The following DNAAF1 variants were observed in gnomAD, a reference collection of about 807,000 sequenced individuals.
DNAAF1 encodes dynein axonemal assembly factor 1.
DNAAF1 carries 65 observed loss-of-function variants against 71.1 expected under a neutral mutation model. That is an observed-to-expected ratio of 0.91 (90% CI 0.75 to 1.12). The LOEUF is 1.12. DNAAF1 is among the 50% of genes most tolerant of loss of function. The probability of loss-of-function intolerance (pLI) is 0.00; values close to 1 mark genes in which losing one functional copy is unlikely to be tolerated. For missense variants in DNAAF1, 1,178 were observed against 899.8 expected, an observed-to-expected ratio of 1.31 and a Z score of -3.96; for synonymous variants, 414 against 354.6, an observed-to-expected ratio of 1.17 and a Z score of -1.88.
chr16:84,163,057 G>A (rs2087790715), intron 6 of DNAAF1, among the ~76,000 whole-genome samples: 1 of 152,122 alleles, frequency 6.6e-6, no homozygotes, highest in Non-Finnish European at 1.5e-5. Context: ...CCTTTTTATT[G>A]CCAAATGATA....
At chr16:84,172,132 C>G (rs2088389120) in intron 8 of DNAAF1, 128 bp from the exon 9 acceptor site, 1 of 844,718 alleles carries the variant, frequency 1.2e-6, no homozygotes, top group African/African-American at 1.7e-5. Context: ...CCACCTTGGC[C>G]CCCCAAAGTG....
At chr16:84,155,493 G>A (rs1009366980) in intron 4 of DNAAF1, 90 bp from the exon 5 acceptor site, 2 of 1,431,338 alleles carry the variant, frequency 1.4e-6, no homozygotes, top group South Asian at 1.1e-5. Context: ...GCCTTCCAAA[G>A]TGCTGGGATT....
At chr16:84,152,599 G>C (rs1172952426) in intron 3 of DNAAF1, among the ~76,000 whole-genome samples, 1 of 145,112 alleles carries the variant, frequency 6.9e-6, no homozygotes, top group Non-Finnish European at 1.5e-5. Flanking sequence ...AGTGAGCCAA[G>C]ATTGTGCTAC....
chr16:84,149,068 G>A lies in DNAAF1; in HGVS notation c.186G>A (p.Gln62=), dbSNP rs774596744. ...CTGACACATCCTACCACAGCCAGCA[G>A]AAACAGAGTGGTGATAATGGGTCAG... The part of the protein sequence containing the change: ...GSSDTSYHSQ[Q]KQSGDNGSGG... The change falls in exon 2 of 12, where the codon CAG becomes CAA. Residue 62 remains glutamine, a synonymous_variant. Coordinates refer to ENST00000378553, the MANE Select transcript of DNAAF1 (RefSeq NM_178452.6). 2 of 1,614,178 alleles carry A rather than the reference G, an allele frequency of 1.2e-6. No individual in the cohort carries two copies. Among genetic ancestry groups the A allele is most frequent in the East Asian group, 2.2e-5 (1 of 44,868 alleles).
At chr16:84,154,454 C>G in intron 3 of DNAAF1, 123 bp from the exon 4 acceptor site, 1 of 858,372 alleles carries the variant, frequency 1.2e-6, no homozygotes, top group Non-Finnish European at 1.9e-6. Flanking sequence ...GTTAGGATTT[C>G]AATGTATGAA....
chr16:84,168,768 A>G (rs2088157171), intron 7 of DNAAF1, among the ~76,000 whole-genome samples: 4 of 151,616 alleles, frequency 2.6e-5, no homozygotes, highest in Admixed American at 2.0e-4. Context: ...GGATAGCTGT[A>G]TGTCTGCATT....
At chr16:84,159,846 C>T in intron 6 of DNAAF1, 50 bp downstream of exon 6, 1 of 1,602,212 alleles carries the variant, frequency 6.2e-7, no homozygotes, top group Non-Finnish European at 8.5e-7. Flanking sequence ...AGTAGTTGAC[C>T]ATGCTTAATA....
intron 7 of DNAAF1, among the ~76,000 whole-genome samples, chr16:84,167,474 C>T (rs1359515771): frequency 3.3e-5 from 5 of 152,182 alleles, no homozygotes; most frequent in Non-Finnish European, 7.3e-5. Flanking sequence ...ATGGCTTGGT[C>T]TCTGTGCTCC....
rs369739157 is a variant in DNAAF1 at position 84,145,451 on chromosome 16, A to G, written c.11A>G (p.Glu4Gly). The change falls in exon 1 of 12, where the codon GAG becomes GGG. Residue 4 changes from glutamate to glycine, a missense_variant. By Grantham distance (98) the Glu-to-Gly change is moderately conservative. Coordinates refer to ENST00000378553, the MANE Select transcript of DNAAF1 (RefSeq NM_178452.6). MHP[E>G]PSEPATGGAA... ...GTCGCCGAAGTAAACATGCACCCTG[A>G]GCCCTCGGAGCCTGCGACAGGTGGT... 2.2e-5 allele frequency: 35 copies of G among 1,580,318 alleles called. No individual in the cohort carries two copies. The highest frequency in any genetic ancestry group is 4.0e-5 in the African/African-American group (3 of 74,578).
At chr16:84,153,336 G>A (rs181856765) in intron 3 of DNAAF1, among the ~76,000 whole-genome samples, 120 of 152,188 alleles carry the variant, frequency 7.9e-4, no homozygotes, top group Admixed American at 1.3e-3. Context: ...AAACCACATG[G>A]CACACATTTA....
At chr16:84,147,007 T>C (rs889792319) in intron 1 of DNAAF1, among the ~76,000 whole-genome samples, 5 of 152,296 alleles carry the variant, frequency 3.3e-5, no homozygotes, top group South Asian at 4.1e-4. Context: ...CTTGGAGCCA[T>C]TGACACTGGG....
At chr16:84,174,783 T>G in intron 10 of DNAAF1, 61 bp downstream of exon 10, 1 of 1,605,242 alleles carries the variant, frequency 6.2e-7, no homozygotes. Flanking sequence ...GTTCTTGTCG[T>G]TTACCGTTTC....
intron 5 of DNAAF1, among the ~76,000 whole-genome samples, chr16:84,156,160 A>G (rs1298434970): frequency 1.3e-5 from 2 of 152,082 alleles, no homozygotes; most frequent in Non-Finnish European, 1.5e-5. Flanking sequence ...TCAGGGTTTC[A>G]TCATGTTGTC....
chr16:84,172,208 C>T, intron 8 of DNAAF1, 52 bp from the exon 9 acceptor site: 5 of 1,556,022 alleles, frequency 3.2e-6, no homozygotes, highest in Non-Finnish European at 4.4e-6. Flanking sequence ...TAGGCTCGTC[C>T]ATCTGCCTGC....
intron 7 of DNAAF1, 173 bp downstream of exon 7, chr16:84,166,122 T>C (rs1004497906): frequency 1.8e-5 from 15 of 853,946 alleles, no homozygotes; most frequent in Non-Finnish European, 2.5e-5. Flanking sequence ...AGTGTGATCT[T>C]GGCTCACTGC....
chr16:84,160,891 C>A (rs575024602), intron 6 of DNAAF1, among the ~76,000 whole-genome samples: 253 of 150,850 alleles, frequency 1.7e-3, no homozygotes, highest in African/African-American at 5.9e-3. Context: ...GAGCTGAGAT[C>A]GCGCCACTGC....
At chr16:84,177,697 G>T (rs1420269156) in intron 11 of DNAAF1, 32 bp from the exon 12 acceptor site, 1 of 1,585,386 alleles carries the variant, frequency 6.3e-7, no homozygotes, top group Non-Finnish European at 8.7e-7. Context: ...ACAGTGACAG[G>T]GAGAAAGCAC....
Position 84,145,580 on chromosome 16 carries a change from C to T in DNAAF1, c.124+16C>T, listed in dbSNP as rs994873997. The T allele has an allele frequency of 9.6e-5, 148 of 1,543,864 alleles. 1 individual carries two copies. Among genetic ancestry groups the T allele is most frequent in the Non-Finnish European group, 1.2e-4 (132 of 1,144,990 alleles). ...TGCAAGGAAGGTGCCGACTGCCCCC[C>T]AGGGAGGGCGGTGGGCGAGGGGCAG... On this transcript the variant is annotated intron_variant, in intron 1 of 11. Coordinates refer to ENST00000378553, the MANE Select transcript of DNAAF1 (RefSeq NM_178452.6).
At chr16:84,148,916 A>G (rs2087052680) in intron 1 of DNAAF1, 91 bp from the exon 2 acceptor site, 6 of 1,441,370 alleles carry the variant, frequency 4.2e-6, no homozygotes, top group Non-Finnish European at 3.9e-6. Flanking sequence ...GTTCTATACT[A>G]AAAGTGGATG....
Sources: allele counts gnomAD v4.1 joint callset (sites outside exome capture counted in the v4.1 genomes callset), GRCh38; gene constraint gnomAD v4.1.1; transcripts MANE v1.5; gene names NCBI Gene and HGNC (gene_info 2026-07-23, HGNC 2026-07-21).